CDK5: variants seen among roughly 807,000 people sequenced by gnomAD.
CDK5 encodes cyclin-dependent kinase 5.
Under a neutral mutation model 44.6 loss-of-function variants are expected in CDK5, and 18 were observed. That is an observed-to-expected ratio of 0.40 (90% CI 0.28 to 0.60). The LOEUF (loss-of-function observed/expected upper bound fraction) is 0.60, where lower values mean the gene tolerates loss of function less well. Among genes scored for constraint, CDK5 ranks in the 20% least tolerant of loss-of-function variants. The pLI is 0.38. For synonymous variants in CDK5, 143 were observed against 152.8 expected, an observed-to-expected ratio of 0.94 and a Z score of 0.47; for missense variants, 198 against 368.1, an observed-to-expected ratio of 0.54 and a Z score of 3.78.
intron 5 of CDK5, 91 bp from the exon 6 acceptor site, chr7:151,055,939 G>A (rs942782201): frequency 1.4e-5 from 11 of 810,416 alleles, no homozygotes; most frequent in South Asian, 9.0e-5. Flanking sequence ...CCTGTGCTTC[G>A]CTCCACCCCA....
Position 151,055,272 on chromosome 7 carries a change from A to G in CDK5, c.580+5T>C. 2 of 1,612,100 alleles carry G rather than the reference A, an allele frequency of 1.2e-6. No individual in the cohort carries two copies. Among genetic ancestry groups the G allele is most frequent in the Non-Finnish European group, 8.5e-7 (1 of 1,178,206 alleles). ...AGGTGCCTCTGCAACACCCCAGCAC[A>G]TCACCTGCAAAGATGCAGCCGGCTG... On this transcript the variant is annotated splice_donor_5th_base_variant and intron_variant, in intron 8 of 11. Coordinates refer to ENST00000485972, the MANE Select transcript of CDK5 (RefSeq NM_004935.4).
Position 151,054,411 on chromosome 7 carries a change from G to A in CDK5, c.705C>T (p.Asp235=). 1 of 1,613,516 alleles carries A rather than the reference G, an allele frequency of 6.2e-7. No homozygotes were observed. The highest frequency in any genetic ancestry group is 1.1e-5 in the South Asian group (1 of 91,062). The change falls in exon 10 of 12, where the codon GAC becomes GAT. Residue 235 remains aspartate (D), a synonymous_variant. Coordinates refer to ENST00000485972, the MANE Select transcript of CDK5 (RefSeq NM_004935.4). This position sits in a 1 kb window ranked among gnomAD's most constrained non-coding sequence, Gnocchi z 5.7. ...CCCACATTCCCCATCACACCTTATAGTCTGGCAGCTTGGTCATAGAGGGCC... is the reference window on the plus strand; with the variant it reads ...CCCACATTCCCCATCACACCTTATAATCTGGCAGCTTGGTCATAGAGGGCC... ...EQWPSMTKLP[D]YKPYPMYPAT...
intron 6 of CDK5, 62 bp downstream of exon 6, chr7:151,055,691 C>T (rs1796880704): frequency 6.5e-7 from 1 of 1,537,754 alleles, no homozygotes; most frequent in South Asian, 1.2e-5. Flanking sequence ...GTCCTCTTCC[C>T]TCTGTGCTCC....
rs868359935 is a variant in CDK5 at position 151,056,686 on chromosome 7, G to A, written c.255+50C>T. ...ATGGGACAGAGTTTAACCTCAATCT[G>A]GGCCCCTATACCTTCCCAAGGCTAC... On this transcript the variant is annotated intron_variant, in intron 4 of 11. Coordinates refer to ENST00000485972, the MANE Select transcript of CDK5 (RefSeq NM_004935.4). This position sits in a 1 kb window ranked among gnomAD's most constrained non-coding sequence, Gnocchi z 4.7. 1.9e-6 allele frequency: 3 copies of A among 1,611,062 alleles called. No homozygotes were observed. In the Middle Eastern group the frequency reaches 5.0e-4, roughly 266 times the overall value.
At chr7:151,055,150 A>G (rs773782162) in intron 8 of CDK5, 54 bp from the exon 9 acceptor site, 18 of 1,584,556 alleles carry the variant, frequency 1.1e-5, no homozygotes, top group Non-Finnish European at 1.4e-5. Flanking sequence ...CCTCACTCTG[A>G]GGTACCCCCT....
In CDK5 at chr7:151,056,406, G is replaced by A. The variant is rs1417813899; in HGVS notation, c.312+174C>T. On this transcript the variant is annotated intron_variant, in intron 5 of 11. Transcript: ENST00000485972. The surrounding 1 kb of genome is among the most constrained non-coding windows in gnomAD (Gnocchi z 4.7). ...CACTGTGCGGGTCAAAGATGACCAC[G>A]TGAAAATGCTCACTAAGACTGGAGA... The A allele has an allele frequency of 1.9e-5, 12 of 621,898 alleles. No homozygotes were observed. Among genetic ancestry groups the A allele is most frequent in the African/African-American group, 3.7e-5 (2 of 54,388 alleles). 38.5% of individuals were successfully genotyped at this position (621,898 alleles called of 1,614,324 possible).
In CDK5 at chr7:151,055,580, A is replaced by C; in HGVS notation, c.435T>G (p.Phe145Leu). 1 of 1,613,738 alleles carries C rather than the reference A, an allele frequency of 6.2e-7. No individual in the cohort carries two copies. Among genetic ancestry groups the C allele is most frequent in the South Asian group, 1.1e-5 (1 of 91,066 alleles). The change falls in exon 7 of 12, where the codon TTT (phenylalanine) becomes TTG (leucine). Residue 145 changes from phenylalanine to leucine, a missense_variant. Phe to Leu is a conservative substitution (Grantham distance 22). Around this residue, in one of 4 missense-constraint regions of CDK5, gnomAD observed 38 missense variants for 115.0 expected, o/e 0.33. Transcript: ENST00000485972. ...GAATCCCAAAGGCTCGAGCCAGGCC[A>C]AAATCAGCCAATTTCAGCTCCCCAT... is the stretch of plus-strand genomic sequence containing the variant. ...NRNGELKLAD[F>L]GLARAFGIPV... is the part of the protein sequence containing the mutation.
In CDK5 at chr7:151,056,854, C is replaced by A; in HGVS notation, c.194+54G>T. On this transcript the variant is annotated intron_variant, in intron 3 of 11. Coordinates refer to ENST00000485972, the MANE Select transcript of CDK5 (RefSeq NM_004935.4). This position sits in a 1 kb window ranked among gnomAD's most constrained non-coding sequence, Gnocchi z 4.7. The stretch of plus-strand genomic sequence containing the variant: ...CCGCCTGACAGACGTCCAGTGTCAG[C>A]CCCCGCCTCCCCCAAGCGGCCACAC... 1 of 1,591,790 alleles carries A rather than the reference C, an allele frequency of 6.3e-7. No homozygotes were observed. The highest frequency in any genetic ancestry group is 1.1e-5 in the South Asian group (1 of 88,816).
Position 151,057,182 on chromosome 7 carries a change from T to C in CDK5, c.38-22A>G. 1 of 1,588,298 alleles carries C rather than the reference T, an allele frequency of 6.3e-7. No homozygotes were observed. The highest frequency in any genetic ancestry group is 8.6e-7 in the Non-Finnish European group (1 of 1,156,880). On this transcript the variant is annotated intron_variant, in intron 1 of 11. Coordinates refer to ENST00000485972, the MANE Select transcript of CDK5 (RefSeq NM_004935.4). This position sits in a 1 kb window ranked among gnomAD's most constrained non-coding sequence, Gnocchi z 5.2. The stretch of plus-strand genomic sequence containing the variant: ...GTGCCTAGGGGAAGGAGGTCAGGGG[T>C]CAGGGTGAGGATGCGGCACTCTTCC...
In CDK5 at chr7:151,054,004, G is replaced by T. The variant is rs2069460; in HGVS notation, c.*5C>A. 16 of 1,582,696 alleles carry T rather than the reference G, an allele frequency of 1.0e-5. No individual in the cohort carries two copies. The highest frequency in any genetic ancestry group is 2.3e-5 in the East Asian group (1 of 43,552). On this transcript the variant is annotated 3_prime_UTR_variant, in exon 12 of 12. Coordinates refer to ENST00000485972, the MANE Select transcript of CDK5 (RefSeq NM_004935.4). This position sits in a 1 kb window ranked among gnomAD's most constrained non-coding sequence, Gnocchi z 5.7. ...CCCCAGCCTGGAGGCCGGGGGTCCC[G>T]GGGCCTAGGGCGGACAGAAGTCGGA...
rs9278 is a variant in CDK5, at chr7:151,053,893, C to T, written c.*116G>A. 160,140 of 857,168 alleles carry T rather than the reference C, an allele frequency of 0.19. 16,668 individuals carry two copies. The highest frequency in any genetic ancestry group is 0.24 in the South Asian group (14,296 of 58,900). The allele number at this position is 857,168 out of a possible 1,614,324, so 53.1% of individuals were successfully genotyped here. A position where few individuals can be genotyped will look rare whatever the true frequency, so the allele number is the denominator to read the frequency against. On this transcript the variant is annotated 3_prime_UTR_variant, in exon 12 of 12. Coordinates refer to ENST00000485972, the MANE Select transcript of CDK5 (RefSeq NM_004935.4). ...AAATTCGGGCTCAGGCACCCCACCC[C>T]GGCTGGGCCCAGCACTGCTGGAGCA...
At position 151,054,977 on chromosome 7, in the gene CDK5, C is replaced by T. The variant is rs1796865856; in HGVS notation, c.650+50G>A. ...CCCTCACCCATTGTGCTCAAAACTC[C>T]ATGGACTCTCCCCTCCCAGAGGGCT... is the stretch of plus-strand genomic sequence containing the variant. On this transcript the variant is annotated intron_variant, in intron 9 of 11. Coordinates refer to ENST00000485972, the MANE Select transcript of CDK5 (RefSeq NM_004935.4). The surrounding 1 kb of genome is among the most constrained non-coding windows in gnomAD (Gnocchi z 5.7). 3 of 1,589,920 alleles carry T rather than the reference C, an allele frequency of 1.9e-6. No homozygotes were observed. Among genetic ancestry groups the T allele is most frequent in the Non-Finnish European group, 2.6e-6 (3 of 1,158,860 alleles).
Position 151,057,141 on chromosome 7 carries a change from G to A in CDK5, c.57C>T (p.Phe19=), listed in dbSNP as rs1439108231. The change falls in exon 2 of 12, where the codon TTC becomes TTT. Residue 19 remains phenylalanine (F), a synonymous_variant. Coordinates refer to ENST00000485972, the MANE Select transcript of CDK5 (RefSeq NM_004935.4). This position sits in a 1 kb window ranked among gnomAD's most constrained non-coding sequence, Gnocchi z 5.2. The stretch of plus-strand genomic sequence containing the variant: ...CATGAGTCTCCCGGTTTTTGGCCTT[G>A]AACACAGTTCCGTAGGTGCCTAGGG... ...KIGEGTYGTV[F]KAKNRETHEI... 6.2e-7 allele frequency: 1 copy of A among 1,613,824 alleles called. No individual in the cohort carries two copies. The highest frequency in any genetic ancestry group is 1.3e-5 in the African/African-American group (1 of 74,910).
In CDK5 at chr7:151,056,116, G is replaced by T. The variant is rs1249359013; in HGVS notation, c.313-268C>A. The T allele has an allele frequency of 1.1e-5, 6 of 546,578 alleles. No individual in the cohort carries two copies. Among genetic ancestry groups the T allele is most frequent in the African/African-American group, 1.9e-5 (1 of 53,126 alleles). The allele number at this position is 546,578 out of a possible 1,614,324, so 33.9% of individuals were successfully genotyped here. ...CCTTGGCAGGTGGATCCTAGATCCG[G>T]CCTAGATCCCAGCCCATGCTGATCT... On this transcript the variant is annotated intron_variant, in intron 5 of 11. Coordinates refer to ENST00000485972, the MANE Select transcript of CDK5 (RefSeq NM_004935.4). This position sits in a 1 kb window ranked among gnomAD's most constrained non-coding sequence, Gnocchi z 4.7.
rs1039903067 is a variant in CDK5 at position 151,054,689 on chromosome 7, C to T, written c.651-224G>A. 2.6e-5 allele frequency among the ~76,000 whole-genome samples: 4 copies of T among 152,320 alleles called. No individual in the cohort carries two copies. Among genetic ancestry groups the T allele is most frequent in the African/African-American group, 9.6e-5 (4 of 41,562 alleles). On this transcript the variant is annotated intron_variant, in intron 9 of 11. Coordinates refer to ENST00000485972, the MANE Select transcript of CDK5 (RefSeq NM_004935.4). This position sits in a 1 kb window ranked among gnomAD's most constrained non-coding sequence, Gnocchi z 5.7. ...AATCACCTAACCCACATGCTGCTGT[C>T]CTAGTCCTAATGAAACAGTCCTTGC...
At position 151,057,282 on chromosome 7, in the gene CDK5, G is replaced by A; in HGVS notation, c.38-122C>T. The A allele has an allele frequency of 1.2e-6, 1 of 820,068 alleles. No homozygotes were observed. Among genetic ancestry groups the A allele is most frequent in the Non-Finnish European group, 2.1e-6 (1 of 469,068 alleles). The allele number at this position is 820,068 out of a possible 1,614,324, so 50.8% of individuals were successfully genotyped here. ...GCAAGGGAAGGGATTCAGGGTGAAG[G>A]TAGGTTGGTGAGCTTTGTGAGTGAG... On this transcript the variant is annotated intron_variant, in intron 1 of 11. Transcript: ENST00000485972. This position sits in a 1 kb window ranked among gnomAD's most constrained non-coding sequence, Gnocchi z 5.2.
Position 151,056,480 on chromosome 7 carries a change from T to C in CDK5, c.312+100A>G. ...TTTCTCATTCTCTAACACCCTAGAG[T>C]GTCCCTGTTCAGGGCCCAAACTTAG... On this transcript the variant is annotated intron_variant, in intron 5 of 11. Transcript: ENST00000485972. This position sits in a 1 kb window ranked among gnomAD's most constrained non-coding sequence, Gnocchi z 4.7. 1.0e-6 allele frequency: 1 copy of C among 988,558 alleles called. No individual in the cohort carries two copies. The highest frequency in any genetic ancestry group is 1.6e-6 in the Non-Finnish European group (1 of 632,122). The allele number at this position is 988,558 out of a possible 1,614,324, so 61.2% of individuals were successfully genotyped here.
chr7:151,057,717 T>C lies in CDK5; in HGVS notation c.37+95A>G. ...TGCAGCCGCTGCTGAGATCGGAGCC[T>C]GTAGGCATTGCTGACGGTAAGGGAG... On this transcript the variant is annotated intron_variant, in intron 1 of 11. Transcript: ENST00000485972. This position sits in a 1 kb window ranked among gnomAD's most constrained non-coding sequence, Gnocchi z 5.2. 1.5e-6 allele frequency: 2 copies of C among 1,341,556 alleles called. No homozygotes were observed. Among genetic ancestry groups the C allele is most frequent in the Non-Finnish European group, 1.0e-6 (1 of 954,202 alleles). 83.1% of individuals were successfully genotyped at this position (1,341,556 alleles called of 1,614,324 possible). A position where few individuals can be genotyped will look rare whatever the true frequency, so the allele number is the denominator to read the frequency against.
intron 5 of CDK5, 80 bp from the exon 6 acceptor site, chr7:151,055,928 C>G: frequency 1.1e-6 from 1 of 911,820 alleles, no homozygotes; most frequent in Non-Finnish European, 1.8e-6. Context: ...CCTCTCCTCA[C>G]CCTGTGCTTC....
Sources: gnomAD v4.1 joint callset for allele counts (sites outside exome capture counted in the v4.1 genomes callset) on GRCh38, gnomAD v4.1.1 for gene constraint, gnomAD v4.1.1 regional missense constraint, Gnocchi (gnomAD v3.1) non-coding constraint, MANE v1.5 for transcripts, NCBI Gene and HGNC (gene_info 2026-07-23, HGNC 2026-07-21) for gene names.